ABCA1: variants seen among roughly 807,000 people sequenced by gnomAD.
The protein encoded by ABCA1 is phospholipid-transporting ATPase ABCA1.
ABCA1 carries 133 observed loss-of-function variants against 262.5 expected under a neutral mutation model. That is an observed-to-expected ratio of 0.51 (90% confidence interval 0.44 to 0.59). The LOEUF (loss-of-function observed/expected upper bound fraction) is 0.59. Among genes scored for constraint, ABCA1 ranks in the 20% least tolerant of loss-of-function variants. The pLI, the probability that ABCA1 is intolerant of heterozygous loss-of-function variation, is 0.00. For missense variants in ABCA1, 2,452 were observed against 2,777.5 expected, an observed-to-expected ratio of 0.88 and a Z score of 2.63; for synonymous variants, 1,022 against 1,043.5, an observed-to-expected ratio of 0.98 and a Z score of 0.40.
At chr9:104,910,090 T>C (rs533401813) in intron 1 of ABCA1, among the ~76,000 whole-genome samples, 3 of 152,164 alleles carry the variant, frequency 2.0e-5, no homozygotes, top group Non-Finnish European at 4.4e-5. Flanking sequence ...TATCGAAGGG[T>C]GACAGTCAGC....
At chr9:104,899,889 C>T (rs191108939) in intron 2 of ABCA1, among the ~76,000 whole-genome samples, 1 of 152,306 alleles carries the variant, frequency 6.6e-6, no homozygotes, top group African/African-American at 2.4e-5. Context: ...AGTTCTCTTC[C>T]CCTTCCTGTC....
chr9:104,901,404 G>GC (rs1840658501), intron 2 of ABCA1, among the ~76,000 whole-genome samples: 5 of 152,002 alleles, frequency 3.3e-5, no homozygotes, highest in Admixed American at 2.0e-4. Flanking sequence ...CAGAGCCATA[G>GC]CCCCCCTTTC....
At position 104,799,958 on chromosome 9, in the gene ABCA1, T is replaced by C. The variant is rs768805357; in HGVS notation, c.4804A>G (p.Ile1602Val). Residue 1602 changes from isoleucine to valine, a missense_variant, in exon 36 of 50, where the codon ATC becomes GTC. Coordinates refer to ENST00000374736, the MANE Select transcript of ABCA1 (RefSeq NM_005502.4). ...VWFNNKGWHA[I>V]SSFLNVINNA... is the part of the protein sequence containing the mutation. ...TTGATGACATTCAGGAAAGAGCTGATTGCATGCCAGCCCTTGTTATTGAAC... is the reference window on the plus strand; with the variant it reads ...TTGATGACATTCAGGAAAGAGCTGACTGCATGCCAGCCCTTGTTATTGAAC... The C allele has an allele frequency of 2.1e-5, 34 of 1,614,038 alleles. No homozygotes were observed. The highest frequency in any genetic ancestry group is 1.4e-4 in the South Asian group (13 of 91,088).
chr9:104,860,053 C>CAAAAAAA (rs200596186), intron 6 of ABCA1, among the ~76,000 whole-genome samples: 4 of 62,736 alleles, frequency 6.4e-5, no homozygotes, highest in Non-Finnish European at 1.2e-4. Flanking sequence ...GACTCCAACT[C>CAAAAAAA]AAAAAAAAAA....
At chr9:104,826,535 CAA>C (rs1013704910) in intron 16 of ABCA1, among the ~76,000 whole-genome samples, 1 of 152,208 alleles carries the variant, frequency 6.6e-6, no homozygotes, top group African/African-American at 2.4e-5. Flanking sequence ...ACAAGGAAGA[CAA>C]GAGAGGTCAT....
At chr9:104,784,927 A>G (rs1828789754) in intron 49 of ABCA1, among the ~76,000 whole-genome samples, 1 of 152,158 alleles carries the variant, frequency 6.6e-6, no homozygotes, top group Non-Finnish European at 1.5e-5. Flanking sequence ...TACAGGCATG[A>G]GCCACCACGC....
intron 7 of ABCA1, among the ~76,000 whole-genome samples, chr9:104,847,219 T>C (rs762923283): frequency 3.3e-5 from 5 of 152,180 alleles, no homozygotes; most frequent in Non-Finnish European, 7.3e-5. Flanking sequence ...TTGTTAGGAT[T>C]CTTGTCACTC....
chr9:104,842,685 T>C (rs1223142603), intron 8 of ABCA1, among the ~76,000 whole-genome samples: 1 of 152,174 alleles, frequency 6.6e-6, no homozygotes, highest in Admixed American at 6.5e-5. Flanking sequence ...GTTGAGTGAA[T>C]GAATGAAACT....
intron 5 of ABCA1, among the ~76,000 whole-genome samples, chr9:104,863,476 A>T (rs2119116636): frequency 6.6e-6 from 1 of 152,332 alleles, no homozygotes; most frequent in South Asian, 2.1e-4. Flanking sequence ...TTTGATCTGA[A>T]AATGGGGCTA....
chr9:104,788,441 C>A lies in ABCA1; in HGVS notation c.6054G>T (p.Glu2018Asp), dbSNP rs750154460. The A allele has an allele frequency of 1.9e-6, 3 of 1,614,158 alleles. No individual in the cohort carries two copies. The East Asian group carries it at 6.7e-5, about 36-fold the overall frequency. The change falls in exon 45 of 50, where the codon GAG (glutamate) becomes GAT (aspartate). Residue 2018 changes from glutamate to aspartate, a missense_variant. Glu to Asp is a conservative substitution (Grantham distance 45). Around this residue, in one of 4 missense-constraint regions of ABCA1, gnomAD observed 752 missense variants for 944.5 expected, o/e 0.80. Coordinates refer to ENST00000374736, the MANE Select transcript of ABCA1 (RefSeq NM_005502.4). ...CCCACAGTACCTTGCCAACTTCTTTCTCTGGGACTCCTCTCAAAAGGGCAA... is the reference window on the plus strand; with the variant it reads ...CCCACAGTACCTTGCCAACTTCTTTATCTGGGACTCCTCTCAAAAGGGCAA... ...EFFALLRGVPEKEVGKVGEWA... is the reference protein window; with the variant it reads ...EFFALLRGVPDKEVGKVGEWA...
intron 7 of ABCA1, among the ~76,000 whole-genome samples, chr9:104,846,283 G>A (rs1834872185): frequency 6.6e-6 from 1 of 152,212 alleles, no homozygotes; most frequent in Non-Finnish European, 1.5e-5. Flanking sequence ...GGAGCCTCAA[G>A]TTGGGTTCTG....
chr9:104,821,264 G>GA, intron 20 of ABCA1, 111 bp downstream of exon 20: 1 of 1,480,162 alleles, frequency 6.8e-7, no homozygotes, highest in Non-Finnish European at 9.1e-7. Context: ...AAGAAAAAAA[G>GA]AAAAAACAAA....
chr9:104,821,428 G>A lies in ABCA1; in HGVS notation c.2907C>T (p.Ser969=). ...ILGKDIRSEM[S]TIRQNLGVCP... ...AGACCCCCAGGTTCTGCCGGATGGTGCTCATCTCAGAGCGAATGTCTTTTC... is the reference window on the plus strand; with the variant it reads ...AGACCCCCAGGTTCTGCCGGATGGTACTCATCTCAGAGCGAATGTCTTTTC... Residue 969 remains serine, a synonymous_variant, in exon 20 of 50, where the codon AGC becomes AGT. Transcript: ENST00000374736. The A allele has an allele frequency of 6.2e-7, 1 of 1,614,148 alleles. No homozygotes were observed. Among genetic ancestry groups the A allele is most frequent in the Non-Finnish European group, 8.5e-7 (1 of 1,180,034 alleles).
At chr9:104,797,461 A>G (rs1350716271) in intron 37 of ABCA1, among the ~76,000 whole-genome samples, 1 of 152,220 alleles carries the variant, frequency 6.6e-6, no homozygotes, top group African/African-American at 2.4e-5. Context: ...AAAATGCAAA[A>G]TCTTTGTGCT....
rs758100110 is a variant in ABCA1 at position 104,845,527 on chromosome 9, C to T, written c.763G>A (p.Ala255Thr). The change falls in exon 8 of 50, where the codon GCT becomes ACT. Residue 255 changes from alanine to threonine, a missense_variant. Ala to Thr is a moderately conservative substitution (Grantham distance 58, BLOSUM62 0). Transcript: ENST00000374736. The stretch of plus-strand genomic sequence containing the variant: ...TGCAGCAATGTTTTTGTGGCTTCAG[C>T]CAGCTCCTTGCTCGGGAAGGGAGAT... The part of the protein sequence containing the change: ...STSPFPSKEL[A>T]EATKTLLHSL... 2.5e-6 allele frequency: 4 copies of T among 1,614,010 alleles called. No homozygotes were observed. The East Asian group carries it at 8.9e-5, about 36-fold the overall frequency.
chr9:104,837,310 G>A (rs528936613), intron 10 of ABCA1, 118 bp downstream of exon 10: 342 of 1,410,338 alleles, frequency 2.4e-4, no homozygotes, highest in Middle Eastern at 4.9e-4. Context: ...TTTTCACTCT[G>A]GGAATTCCAG....
At chr9:104,918,074 T>A (rs3932930) in intron 1 of ABCA1, among the ~76,000 whole-genome samples, 14,640 of 152,186 alleles carry the variant, frequency 0.096, 808 homozygotes, top group African/African-American at 0.15. Context: ...AGAGTTCCAG[T>A]GAAAATTAAA....
At chr9:104,909,654 A>ACACACACACACACACACG (rs770801372) in intron 1 of ABCA1, among the ~76,000 whole-genome samples, 3 of 146,508 alleles carry the variant, frequency 2.0e-5, no homozygotes, top group African/African-American at 7.6e-5. Context: ...ACACACACAC[A>ACACACACACACACACACG]TTCACAGGAA....
chr9:104,853,690 C>T (rs546613832), intron 7 of ABCA1, among the ~76,000 whole-genome samples: 3 of 152,294 alleles, frequency 2.0e-5, no homozygotes, highest in African/African-American at 7.2e-5. Context: ...CCCAAAGTCA[C>T]CTCTGTTTGG....
Sources: gnomAD v4.1 joint callset for allele counts (sites outside exome capture counted in the v4.1 genomes callset) on GRCh38, gnomAD v4.1.1 for gene constraint, gnomAD v4.1.1 regional missense constraint, MANE v1.5 for transcripts, NCBI Gene and HGNC (gene_info 2026-07-23, HGNC 2026-07-21) for gene names.